The following ASAP1 variants were observed in gnomAD, a reference collection of about 807,000 sequenced individuals.
ASAP1 encodes arf-GAP with SH3 domain, ANK repeat and PH domain-containing protein 1.
ASAP1 carries 43 observed loss-of-function variants against 145.2 expected under a neutral mutation model. The observed-to-expected ratio is 0.30, with a 90% CI of 0.23 to 0.38. ASAP1 has a LOEUF of 0.38. Among genes scored for constraint, ASAP1 ranks in the 10% least tolerant of loss-of-function variants. The pLI is 1.00. For missense variants in ASAP1, 1,018 were observed against 1,355.3 expected, an observed-to-expected ratio of 0.75 and a Z score of 3.91; for synonymous variants, 546 against 515.5, an observed-to-expected ratio of 1.06 and a Z score of -0.80.
At chr8:130,176,760 G>A (rs532389627) in intron 9 of ASAP1, among the ~76,000 whole-genome samples, 4 of 150,986 alleles carry the variant, frequency 2.6e-5, no homozygotes, top group Admixed American at 6.6e-5. Context: ...GCGTGATCTC[G>A]GCTCACTGCA....
At chr8:130,276,887 G>C (rs1332419366) in intron 3 of ASAP1, among the ~76,000 whole-genome samples, 1 of 152,138 alleles carries the variant, frequency 6.6e-6, no homozygotes, top group Non-Finnish European at 1.5e-5. Context: ...CACAGTGCCA[G>C]GAGCGGTCTT....
intron 2 of ASAP1, among the ~76,000 whole-genome samples, chr8:130,378,343 G>A (rs1372935116): frequency 6.6e-6 from 1 of 152,212 alleles, no homozygotes; most frequent in Non-Finnish European, 1.5e-5. Context: ...CAGAAGAAGG[G>A]ACAAGGCAAT....
At chr8:130,390,941 C>A (rs553953674) in intron 2 of ASAP1, among the ~76,000 whole-genome samples, 1 of 121,924 alleles carries the variant, frequency 8.2e-6, no homozygotes, top group African/African-American at 2.7e-5. Flanking sequence ...TATCCCCCGC[C>A]CCCCCAAAAT....
At chr8:130,069,936 G>A (rs2097438870) in intron 27 of ASAP1, among the ~76,000 whole-genome samples, 1 of 152,204 alleles carries the variant, frequency 6.6e-6, no homozygotes, top group African/African-American at 2.4e-5. Context: ...AAAATGGTCT[G>A]GGGGTGAAGA....
intron 3 of ASAP1, among the ~76,000 whole-genome samples, chr8:130,356,651 TC>T (rs1168852896): frequency 6.6e-6 from 1 of 152,162 alleles, no homozygotes. Flanking sequence ...CAATACTGAC[TC>T]CAGAGAGAAC....
At chr8:130,262,392 C>CAAAAAAA (rs1204651464) in intron 3 of ASAP1, among the ~76,000 whole-genome samples, 2 of 35,718 alleles carry the variant, frequency 5.6e-5, no homozygotes, top group African/African-American at 1.3e-4. Context: ...GACTCCATCT[C>CAAAAAAA]AAAAAAAAAA....
intron 2 of ASAP1, among the ~76,000 whole-genome samples, chr8:130,384,466 G>A (rs759857748): frequency 2.0e-5 from 3 of 152,150 alleles, no homozygotes; most frequent in Admixed American, 6.5e-5. Flanking sequence ...GTCAGAAGAC[G>A]TGGGATTCAG....
At chr8:130,442,354 A>C (rs1443564299) in intron 1 of ASAP1, among the ~76,000 whole-genome samples, 2 of 152,178 alleles carry the variant, frequency 1.3e-5, no homozygotes, top group Non-Finnish European at 1.5e-5. Context: ...GAAGGGGGTG[A>C]ATCAGTTGTT....
At chr8:130,278,666 C>T (rs1016210009) in intron 3 of ASAP1, among the ~76,000 whole-genome samples, 7 of 151,932 alleles carry the variant, frequency 4.6e-5, no homozygotes, top group Non-Finnish European at 8.8e-5. Context: ...AGACATTGGA[C>T]GAAAAAAACT....
At chr8:130,308,121 C>G (rs903380948) in intron 3 of ASAP1, among the ~76,000 whole-genome samples, 1 of 152,180 alleles carries the variant, frequency 6.6e-6, no homozygotes, top group African/African-American at 2.4e-5. Context: ...TTTAAATGCA[C>G]ATAACTATCC....
intron 1 of ASAP1, among the ~76,000 whole-genome samples, chr8:130,419,133 A>G (rs1392546353): frequency 1.3e-5 from 2 of 152,150 alleles, no homozygotes; most frequent in Non-Finnish European, 2.9e-5. Context: ...GGTGGAGCAG[A>G]AAAAAACCGA....
At chr8:130,102,732 C>T (rs920482898) in intron 24 of ASAP1, among the ~76,000 whole-genome samples, 15 of 152,180 alleles carry the variant, frequency 9.9e-5, no homozygotes, top group African/African-American at 3.6e-4. Flanking sequence ...GTCACCCAGG[C>T]TGGAGTGCAG....
At chr8:130,151,996 A>T (rs1389860867) in intron 13 of ASAP1, among the ~76,000 whole-genome samples, 1 of 152,266 alleles carries the variant, frequency 6.6e-6, no homozygotes, top group East Asian at 1.9e-4. Flanking sequence ...ATTAACTGAA[A>T]TAAAGTTTAT....
At chr8:130,148,221 GA>G (rs78044875) in intron 13 of ASAP1, among the ~76,000 whole-genome samples, 45,152 of 151,002 alleles carry the variant, frequency 0.3, 7,396 homozygotes, top group East Asian at 0.64. Context: ...GGCAGCTGAG[GA>G]AAAAAAAACC....
At chr8:130,256,008 G>A (rs1209693223) in intron 3 of ASAP1, among the ~76,000 whole-genome samples, 2 of 152,078 alleles carry the variant, frequency 1.3e-5, no homozygotes, top group South Asian at 2.1e-4. Flanking sequence ...GCTCCCTCAG[G>A]ACGGCCAATT....
In ASAP1 at chr8:130,052,214, G is replaced by C. The variant is rs1219819050; in HGVS notation, c.*2517C>G. ...CTGTCACATTAAACACATGTGAAAT[G>C]ACAAGTGTACTGATGTTTGATGGTA... On this transcript the variant is annotated 3_prime_UTR_variant, in exon 30 of 30. Coordinates refer to ENST00000518721, the MANE Select transcript of ASAP1 (RefSeq NM_018482.4). 6.6e-6 allele frequency: 1 copy of C among 152,652 alleles called. No homozygotes were observed. The highest frequency in any genetic ancestry group is 1.5e-5 in the Non-Finnish European group (1 of 68,046). 9.5% of individuals were successfully genotyped at this position (152,652 alleles called of 1,614,324 possible).
At chr8:130,064,209 G>C (rs2097425290) in intron 27 of ASAP1, among the ~76,000 whole-genome samples, 1 of 152,232 alleles carries the variant, frequency 6.6e-6, no homozygotes, top group East Asian at 1.9e-4. Context: ...CAGGCAGACA[G>C]GGTAGGAGGC....
At chr8:130,361,668 A>G (rs776895385) in intron 2 of ASAP1, 2 of 1,525,452 alleles carry the variant, frequency 1.3e-6, no homozygotes, top group South Asian at 1.2e-5. Context: ...ACCTCTACTC[A>G]CCATTTCTGG....
intron 27 of ASAP1, among the ~76,000 whole-genome samples, chr8:130,068,349 A>T (rs2097434636): frequency 6.6e-6 from 1 of 152,196 alleles, no homozygotes. Flanking sequence ...ACGCAGGGAC[A>T]ACAGAAAGTA....
Sources: allele counts gnomAD v4.1 joint callset (sites outside exome capture counted in the v4.1 genomes callset), GRCh38; gene constraint gnomAD v4.1.1; transcripts MANE v1.5; gene names NCBI Gene and HGNC (gene_info 2026-07-23, HGNC 2026-07-21).